Variants in VWC2L observed in about 807,000 individuals in gnomAD.
VWC2L encodes von Willebrand factor C domain-containing protein 2-like.
VWC2L carries 10 observed loss-of-function variants against 21.6 expected under a neutral mutation model. That is an observed-to-expected ratio of 0.46 (90% CI 0.29 to 0.78). VWC2L has a LOEUF of 0.78. VWC2L is among the 30% of genes least tolerant of loss of function. VWC2L has a pLI of 0.10. For missense variants in VWC2L, 209 were observed against 277.1 expected (o/e 0.75, Z 1.74); for synonymous variants, 96 against 94.3 (o/e 1.02, Z -0.10).
chr2:214,545,202 C>G, intron 3 of VWC2L, among the ~76,000 whole-genome samples: 1 of 152,028 alleles, frequency 6.6e-6, no homozygotes, highest in East Asian at 1.9e-4. Context: ...AAATATTTTG[C>G]AAATAGAGAA....
intron 3 of VWC2L, among the ~76,000 whole-genome samples, chr2:214,439,480 CA>C (rs1702730516): frequency 6.6e-6 from 1 of 151,848 alleles, no homozygotes; most frequent in South Asian, 2.1e-4. Context: ...AAGGTAGATG[CA>C]ACTAATTCTA....
At chr2:214,503,178 T>A (rs1688919336) in intron 3 of VWC2L, among the ~76,000 whole-genome samples, 1 of 152,150 alleles carries the variant, frequency 6.6e-6, no homozygotes, top group African/African-American at 2.4e-5. Flanking sequence ...GATCTCTTCA[T>A]GATATGTTAG....
At position 214,575,915 on chromosome 2, in the gene VWC2L, C is replaced by T; in HGVS notation, c.*95C>T. Reference sequence around the variant, plus strand: ...ACAAAACAAAACAAACAAACTCCTGCCAGCTACAACAGGGTCACCAGCAAA... The same window carrying T: ...ACAAAACAAAACAAACAAACTCCTGTCAGCTACAACAGGGTCACCAGCAAA... On this transcript the variant is annotated 3_prime_UTR_variant, in exon 4 of 4. Coordinates refer to ENST00000312504, the MANE Select transcript of VWC2L (RefSeq NM_001080500.4). The T allele has an allele frequency of 2.9e-6, 4 of 1,401,002 alleles. No individual in the cohort carries two copies. In the East Asian group the frequency reaches 7.1e-5, roughly 25 times the overall value. The allele number at this position is 1,401,002 out of a possible 1,614,324, so 86.8% of individuals were successfully genotyped here.
intron 2 of VWC2L, among the ~76,000 whole-genome samples, chr2:214,418,854 G>C (rs1702394089): frequency 1.3e-5 from 2 of 152,190 alleles, no homozygotes; most frequent in South Asian, 4.1e-4. Context: ...TGATAAGACT[G>C]CCTATTTTCG....
chr2:214,446,259 A>C (rs1017533033), intron 3 of VWC2L, among the ~76,000 whole-genome samples: 4 of 152,204 alleles, frequency 2.6e-5, no homozygotes, highest in Non-Finnish European at 5.9e-5. Context: ...TGTCCTATGA[A>C]AGGCAGTTTC....
intron 3 of VWC2L, among the ~76,000 whole-genome samples, chr2:214,511,139 T>C (rs1207378260): frequency 2.0e-5 from 3 of 151,734 alleles, no homozygotes; most frequent in Admixed American, 6.6e-5. Flanking sequence ...ATTTAAAAAT[T>C]AGCCAAATGC....
At chr2:214,489,535 C>T (rs1688717619) in intron 3 of VWC2L, among the ~76,000 whole-genome samples, 1 of 152,012 alleles carries the variant, frequency 6.6e-6, no homozygotes, top group South Asian at 2.1e-4. Flanking sequence ...AAATGGTAAC[C>T]AATGGAAATC....
chr2:214,429,986 G>C lies in VWC2L; in HGVS notation c.391-6643G>C, dbSNP rs1378219820. Among the ~76,000 whole-genome samples the C allele has an allele frequency of 2.0e-5, 3 of 151,884 alleles. No individual in the cohort carries two copies. The South Asian group carries it at 6.2e-4, about 32-fold the overall frequency. On this transcript the variant is annotated intron_variant, in intron 2 of 3. Coordinates refer to ENST00000312504, the MANE Select transcript of VWC2L (RefSeq NM_001080500.4). ...CTACAGGCACCTGCCACCACGCCTG[G>C]CTAATTTTTGTATTTTTAGTACAGG...
intron 3 of VWC2L, among the ~76,000 whole-genome samples, chr2:214,526,323 G>A (rs550094609): frequency 1.1e-3 from 167 of 152,182 alleles, no homozygotes; most frequent in South Asian, 7.0e-3. Flanking sequence ...CATATATTTA[G>A]AGCTACATCA....
chr2:214,431,741 A>G (rs2126176651), intron 2 of VWC2L, among the ~76,000 whole-genome samples: 1 of 152,346 alleles, frequency 6.6e-6, no homozygotes, highest in East Asian at 1.9e-4. Context: ...GTTGTGCTTA[A>G]TAAGCAACCA....
At chr2:214,472,768 T>C (rs1331507357) in intron 3 of VWC2L, among the ~76,000 whole-genome samples, 1 of 152,202 alleles carries the variant, frequency 6.6e-6, no homozygotes, top group Non-Finnish European at 1.5e-5. Context: ...TTGGTACTTT[T>C]AGAAAATTTG....
chr2:214,558,352 T>C (rs960009188), intron 3 of VWC2L, among the ~76,000 whole-genome samples: 3 of 152,310 alleles, frequency 2.0e-5, no homozygotes, highest in Non-Finnish European at 2.9e-5. Flanking sequence ...CACCTCTCTA[T>C]GCCCAACTCA....
intron 3 of VWC2L, among the ~76,000 whole-genome samples, chr2:214,547,584 T>C (rs1225579482): frequency 6.6e-6 from 1 of 152,198 alleles, no homozygotes; most frequent in Non-Finnish European, 1.5e-5. Flanking sequence ...ACATGAAAGC[T>C]ACTGAGTAGA....
At chr2:214,528,265 T>A (rs138768968) in intron 3 of VWC2L, among the ~76,000 whole-genome samples, 15 of 152,326 alleles carry the variant, frequency 9.8e-5, no homozygotes, top group Middle Eastern at 3.4e-3. Context: ...TTTGAATCCC[T>A]GCTATGATGT....
At chr2:214,546,569 G>A (rs572686343) in intron 3 of VWC2L, among the ~76,000 whole-genome samples, 23 of 152,142 alleles carry the variant, frequency 1.5e-4, no homozygotes, top group Non-Finnish European at 3.1e-4. Flanking sequence ...CACACAAACC[G>A]GGCAAATTAT....
intron 3 of VWC2L, among the ~76,000 whole-genome samples, chr2:214,527,273 G>A (rs76102600): frequency 0.017 from 2,625 of 152,088 alleles, 76 homozygotes; most frequent in African/African-American, 0.059. Flanking sequence ...TGGGGCAAGA[G>A]TCAAAACACT....
intron 3 of VWC2L, among the ~76,000 whole-genome samples, chr2:214,491,367 G>A (rs1574594728): frequency 6.6e-6 from 1 of 152,244 alleles, no homozygotes; most frequent in African/African-American, 2.4e-5. Flanking sequence ...TGAGAATATT[G>A]AGGACGCAGA....
intron 3 of VWC2L, chr2:214,472,189 CA>C (rs1283351850): frequency 6.6e-6 from 1 of 152,164 alleles, no homozygotes; most frequent in Non-Finnish European, 1.5e-5. Context: ...CAGATTCCTG[CA>C]GCAATGCCCC....
chr2:214,551,217 T>C (rs1279174994), intron 3 of VWC2L, among the ~76,000 whole-genome samples: 1 of 152,232 alleles, frequency 6.6e-6, no homozygotes, highest in Non-Finnish European at 1.5e-5. Flanking sequence ...ATTCATAACA[T>C]GCTGCAAGTA....
Sources: gnomAD v4.1 joint callset for allele counts (sites outside exome capture counted in the v4.1 genomes callset) on GRCh38, gnomAD v4.1.1 for gene constraint, MANE v1.5 for transcripts, NCBI Gene and HGNC (gene_info 2026-07-23, HGNC 2026-07-21) for gene names.